Variants in CFAP44 observed in about 807,000 individuals in gnomAD.
CFAP44 encodes cilia and flagella associated protein 44, also known as cilia- and flagella-associated protein 44.
CFAP44 carries 134 observed loss-of-function variants against 216.2 expected under a neutral mutation model. The ratio of observed to expected loss-of-function variants is 0.62; its 90% CI spans 0.54 to 0.72. The LOEUF is 0.72. Among genes scored for constraint, CFAP44 ranks in the 30% least tolerant of loss-of-function variants. The probability of loss-of-function intolerance (pLI) is 0.00; values close to 1 mark genes in which losing one functional copy is unlikely to be tolerated. For synonymous variants in CFAP44, 700 were observed against 727.6 expected (o/e 0.96, Z 0.61); for missense variants, 2,035 against 2,182.1 (o/e 0.93, Z 1.34).
At chr3:113,292,134 T>G (rs983258938) in intron 34 of CFAP44, among the ~76,000 whole-genome samples, 1 of 152,212 alleles carries the variant, frequency 6.6e-6, no homozygotes, top group African/African-American at 2.4e-5. Context: ...TCCAGCTGAC[T>G]CCTACTCATG....
intron 15 of CFAP44, among the ~76,000 whole-genome samples, chr3:113,391,170 G>C (rs1933828687): frequency 6.6e-6 from 1 of 152,020 alleles, no homozygotes; most frequent in Non-Finnish European, 1.5e-5. Flanking sequence ...ACAGAATACA[G>C]AATGCAAAAA....
At chr3:113,427,494 G>A (rs1169514180) in intron 2 of CFAP44, 155 bp from the exon 3 acceptor site, 5 of 560,376 alleles carry the variant, frequency 8.9e-6, no homozygotes, top group African/African-American at 5.9e-5. Flanking sequence ...GGTCAGTCTT[G>A]TAACTTTACA....
At chr3:113,392,257 T>C (rs908658647) in intron 15 of CFAP44, among the ~76,000 whole-genome samples, 4 of 152,148 alleles carry the variant, frequency 2.6e-5, no homozygotes, top group African/African-American at 9.7e-5. Context: ...ACAACCTGGA[T>C]GGAACTGGAG....
intron 21 of CFAP44, 200 bp downstream of exon 21, chr3:113,362,945 A>G (rs948754859): frequency 7.7e-7 from 1 of 1,300,392 alleles, no homozygotes; most frequent in Non-Finnish European, 9.7e-7. Context: ...AATTTGTGTC[A>G]ACAAGAATCT....
intron 22 of CFAP44, among the ~76,000 whole-genome samples, chr3:113,353,511 A>G (rs1194289440): frequency 6.6e-6 from 1 of 151,730 alleles, no homozygotes; most frequent in African/African-American, 2.4e-5. Context: ...ACTTATATAT[A>G]CTGTGAATAC....
chr3:113,432,681 G>A (rs779993984), intron 2 of CFAP44, among the ~76,000 whole-genome samples: 29 of 152,118 alleles, frequency 1.9e-4, no homozygotes, highest in Admixed American at 2.6e-4. Flanking sequence ...AAAAACTATA[G>A]TGAAGTCCAT....
intron 9 of CFAP44, 111 bp downstream of exon 9, chr3:113,403,741 A>C (rs1349236029): frequency 8.2e-7 from 1 of 1,218,486 alleles, no homozygotes; most frequent in Non-Finnish European, 1.1e-6. Flanking sequence ...CCTTGGGAGT[A>C]AATGACTACT....
rs578028766 is a variant in CFAP44 at position 113,344,194 on chromosome 3, A to C, written c.3262+322T>G. Among the ~76,000 whole-genome samples, 21 of 152,110 alleles carry C rather than the reference A, an allele frequency of 1.4e-4. No homozygotes were observed. The South Asian group carries it at 4.4e-3, about 32-fold the overall frequency. ...AAATCCTAGATTTAAGAATAGCTAG[A>C]TGTGGCAAGTAAGAAAACAGCAGCA... is the stretch of plus-strand genomic sequence containing the variant. On this transcript the variant is annotated intron_variant, in intron 23 of 34. Coordinates refer to ENST00000393845, the MANE Select transcript of CFAP44 (RefSeq NM_001164496.2).
chr3:113,317,029 G>C (rs954969554), intron 28 of CFAP44, among the ~76,000 whole-genome samples: 2 of 152,176 alleles, frequency 1.3e-5, no homozygotes, highest in Admixed American at 1.3e-4. Flanking sequence ...AGAGGCAACA[G>C]CGAAGGTGAG....
At chr3:113,297,481 C>T (rs1949893691) in intron 32 of CFAP44, among the ~76,000 whole-genome samples, 1 of 152,182 alleles carries the variant, frequency 6.6e-6, no homozygotes, top group Non-Finnish European at 1.5e-5. Flanking sequence ...ACACGGCTTG[C>T]TCCTCCCAGC....
At chr3:113,401,380 G>C in intron 10 of CFAP44, 93 bp from the exon 11 acceptor site, 6 of 1,266,110 alleles carry the variant, frequency 4.7e-6, no homozygotes, top group Non-Finnish European at 5.5e-6. Flanking sequence ...GTAAGGACAA[G>C]CAATAATATC....
chr3:113,427,371 T>G, intron 2 of CFAP44, 32 bp from the exon 3 acceptor site: 1 of 1,520,196 alleles, frequency 6.6e-7, no homozygotes, highest in South Asian at 1.2e-5. Flanking sequence ...ACTTCTAAAT[T>G]TTGATTAAAC....
At chr3:113,395,309 A>G (rs899131623) in intron 15 of CFAP44, among the ~76,000 whole-genome samples, 2 of 152,240 alleles carry the variant, frequency 1.3e-5, no homozygotes, top group African/African-American at 2.4e-5. Flanking sequence ...AGGATAGAAG[A>G]GAAAATAGAT....
chr3:113,437,308 ATAACTGAACGT>A (rs1163384385), intron 1 of CFAP44, among the ~76,000 whole-genome samples: 4 of 152,190 alleles, frequency 2.6e-5, no homozygotes, highest in Non-Finnish European at 5.9e-5. Flanking sequence ...TTAACATACT[ATAACTGAACGT>A]TAACTGGATA....
At chr3:113,387,383 G>A (rs1360154802) in intron 15 of CFAP44, among the ~76,000 whole-genome samples, 1 of 152,178 alleles carries the variant, frequency 6.6e-6, no homozygotes, top group African/African-American at 2.4e-5. Flanking sequence ...AGGAAGAGTT[G>A]TGAGGCCCCT....
chr3:113,371,878 C>G (rs1933178121), intron 18 of CFAP44, among the ~76,000 whole-genome samples: 2 of 151,792 alleles, frequency 1.3e-5, no homozygotes, highest in African/African-American at 4.8e-5. Flanking sequence ...AACAAATTTA[C>G]AGGAAAAAAA....
intron 26 of CFAP44, among the ~76,000 whole-genome samples, chr3:113,328,652 T>A (rs1950209991): frequency 8.0e-6 from 1 of 124,680 alleles, no homozygotes; most frequent in African/African-American, 3.0e-5. Flanking sequence ...GAAAGAGATC[T>A]GTGGGTTTGG....
chr3:113,402,658 C>A (rs1411526576), intron 9 of CFAP44, among the ~76,000 whole-genome samples: 2 of 152,106 alleles, frequency 1.3e-5, no homozygotes, highest in Non-Finnish European at 2.9e-5. Context: ...ATCAGACTAA[C>A]CCCTGGGAGT....
intron 28 of CFAP44, among the ~76,000 whole-genome samples, chr3:113,322,547 A>G (rs778839680): frequency 6.6e-6 from 1 of 152,212 alleles, no homozygotes; most frequent in Non-Finnish European, 1.5e-5. Context: ...ACACCATCTC[A>G]CACCAGTCAG....
Sources: allele counts gnomAD v4.1 joint callset (sites outside exome capture counted in the v4.1 genomes callset), GRCh38; gene constraint gnomAD v4.1.1; transcripts MANE v1.5; gene names NCBI Gene and HGNC (gene_info 2026-07-23, HGNC 2026-07-21).